Variants in PCDH11X observed in about 807,000 individuals in gnomAD.
PCDH11X encodes protocadherin 11 X-linked.
A neutral mutation model predicts 53.3 loss-of-function variants in PCDH11X; 18 were observed. The ratio of observed to expected loss-of-function variants is 0.34; its 90% confidence interval spans 0.23 to 0.50. PCDH11X has a LOEUF of 0.50. Among genes scored for constraint, PCDH11X ranks in the 20% least tolerant of loss-of-function variants. The probability of loss-of-function intolerance (pLI) is 0.98; values close to 1 mark genes in which losing one functional copy is unlikely to be tolerated. For missense variants in PCDH11X, 570 were observed against 1,032.4 expected (o/e 0.55, Z 6.14); for synonymous variants, 279 against 393.3 (o/e 0.71, Z 3.44).
At chrX:92,545,111 C>T (rs2074824369) in intron 10 of PCDH11X, among the ~76,000 whole-genome samples, 1 of 111,137 alleles carries the variant, frequency 9.0e-6, no homozygotes, top group Non-Finnish European at 1.9e-5. Flanking sequence ...AATAAAAAGG[C>T]CATTATAGCT....
At position 92,452,451 on chromosome X, in the gene PCDH11X, A is replaced by ATG. The variant is rs1289824916; in HGVS notation, c.3344-15836_3344-15835dup. On this transcript the variant is annotated intron_variant, in intron 9 of 10. Transcript: ENST00000682573. Reference sequence around the variant, plus strand: ...ATATATAGTAGTTTGTATAATATAGATGTGTGTGTGTGTATATATATATAT... The same window carrying ATG: ...ATATATAGTAGTTTGTATAATATAGATGTGTGTGTGTGTGTATATATATATAT... 5.0e-3 allele frequency among the ~76,000 whole-genome samples: 319 copies of ATG among 63,655 alleles called. 4 individuals are homozygous for ATG. Among genetic ancestry groups the ATG allele is most frequent in the East Asian group, 0.026 (47 of 1,780 alleles). The allele number at this position is 63,655 out of a possible 115,157, so 55.3% of individuals were successfully genotyped here. A position where few individuals can be genotyped will look rare whatever the true frequency, so the allele number is the denominator to read the frequency against.
chrX:92,180,932 A>G (rs1320192693), intron 6 of PCDH11X, among the ~76,000 whole-genome samples: 1 of 109,533 alleles, frequency 9.1e-6, no homozygotes, highest in African/African-American at 3.3e-5. Flanking sequence ...GGGCTAATAC[A>G]GTAAATTGGT....
chrX:92,255,193 A>C (rs1212241557), intron 7 of PCDH11X, among the ~76,000 whole-genome samples: 1 of 107,789 alleles, frequency 9.3e-6, no homozygotes, highest in Non-Finnish European at 1.9e-5. Flanking sequence ...CATTCATTTC[A>C]TCTTCCATCG....
intron 6 of PCDH11X, chrX:91,882,897 C>T (rs1457419796): frequency 8.4e-7 from 1 of 1,185,046 alleles, no homozygotes; most frequent in Admixed American, 2.2e-5. Context: ...TGTTATTTTT[C>T]TTGTCCTAGA....
At chrX:92,113,200 C>G (rs183470794) in intron 6 of PCDH11X, 9 of 1,151,100 alleles carry the variant, frequency 7.8e-6, no homozygotes, top group East Asian at 3.0e-5. Context: ...CTCAGCCCCC[C>G]GAGATTGAGC....
chrX:92,038,723 C>T (rs5984854), intron 6 of PCDH11X, among the ~76,000 whole-genome samples: 21,711 of 106,591 alleles, frequency 0.2, 2,186 homozygotes, highest in African/African-American at 0.35. Context: ...TGCCATGTGT[C>T]GTGGGAGGAA....
At chrX:92,039,156 G>A (rs1398343109) in intron 6 of PCDH11X, among the ~76,000 whole-genome samples, 1 of 111,191 alleles carries the variant, frequency 9.0e-6, no homozygotes, top group African/African-American at 3.3e-5. Flanking sequence ...CTGTGCTTGG[G>A]CAGACCTGAA....
intron 6 of PCDH11X, among the ~76,000 whole-genome samples, chrX:92,120,484 G>A (rs779257264): frequency 1.8e-5 from 2 of 112,962 alleles, no homozygotes; most frequent in African/African-American, 6.4e-5. Flanking sequence ...TCTAAGATGC[G>A]AAGGTAAACA....
chrX:92,544,431 T>C (rs1473329560), intron 10 of PCDH11X, among the ~76,000 whole-genome samples: 1 of 111,910 alleles, frequency 8.9e-6, no homozygotes, highest in Non-Finnish European at 1.9e-5. Context: ...TTGCCCTTGA[T>C]TTTCTTATTC....
chrX:91,811,335 T>C (rs368797617), intron 4 of PCDH11X, 40 bp downstream of exon 4: 71 of 1,059,799 alleles, frequency 6.7e-5, no homozygotes, highest in Non-Finnish European at 7.5e-5. Flanking sequence ...ACGTCTCCTT[T>C]CCTCTGGGTC....
chrX:92,147,827 C>CTTTCTTTCTTTCTTTCTTTCTT (rs1556065936), intron 6 of PCDH11X, among the ~76,000 whole-genome samples: 4 of 91,345 alleles, frequency 4.4e-5, no homozygotes, highest in Non-Finnish European at 8.2e-5. Flanking sequence ...TTCTTTCTTT[C>CTTTCTTTCTTTCTTTCTTTCTT]TTTCTTTCTT....
chrX:92,545,387 C>CTTTTTTTTTTTTTTTTTT, intron 10 of PCDH11X, among the ~76,000 whole-genome samples: 1 of 66,053 alleles, frequency 1.5e-5, no homozygotes, highest in Non-Finnish European at 2.6e-5. Flanking sequence ...GGTTAAATTC[C>CTTTTTTTTTTTTTTTTTT]TTTTTTTTTT....
At chrX:92,450,734 A>G (rs1348725805) in intron 9 of PCDH11X, among the ~76,000 whole-genome samples, 3 of 101,533 alleles carry the variant, frequency 3.0e-5, no homozygotes, top group African/African-American at 1.1e-4. Context: ...CTTTGAAGCA[A>G]TTATTTTTAT....
chrX:92,223,302 A>G (rs2066914552), intron 7 of PCDH11X, among the ~76,000 whole-genome samples: 1 of 111,557 alleles, frequency 9.0e-6, no homozygotes, highest in African/African-American at 3.3e-5. Flanking sequence ...CTTCTTATTC[A>G]TCTTTCAAAG....
intron 10 of PCDH11X, among the ~76,000 whole-genome samples, chrX:92,470,606 A>G (rs2073242229): frequency 9.0e-6 from 1 of 111,416 alleles, no homozygotes; most frequent in Non-Finnish European, 1.9e-5. Context: ...GCCCTTTATT[A>G]TATTGAGGTA....
chrX:92,154,151 C>G, intron 6 of PCDH11X, among the ~76,000 whole-genome samples: 1 of 110,397 alleles, frequency 9.1e-6, no homozygotes, highest in Non-Finnish European at 1.9e-5. Context: ...ATCAGTCTAC[C>G]TATCTATTGA....
chrX:92,346,572 C>T (rs1307215957), intron 8 of PCDH11X, among the ~76,000 whole-genome samples: 1 of 111,568 alleles, frequency 9.0e-6, no homozygotes, highest in African/African-American at 3.2e-5. Flanking sequence ...ACAAGCGACA[C>T]GTGGAATTAT....
chrX:91,892,041 G>GTGTT (rs1190570435), intron 6 of PCDH11X, among the ~76,000 whole-genome samples: 17 of 99,248 alleles, frequency 1.7e-4, no homozygotes, highest in Non-Finnish European at 2.4e-4. Context: ...GTGTGTGTGT[G>GTGTT]TGTGTTAGAG....
At chrX:92,113,160 G>T in intron 6 of PCDH11X, 4 of 961,204 alleles carry the variant, frequency 4.2e-6, no homozygotes, top group Non-Finnish European at 5.5e-6. Context: ...TCTATCCCTT[G>T]GCTCCCTTCC....
Sources: allele counts gnomAD v4.1 joint callset (sites outside exome capture counted in the v4.1 genomes callset), GRCh38; gene constraint gnomAD v4.1.1; transcripts MANE v1.5; gene names NCBI Gene and HGNC (gene_info 2026-07-23, HGNC 2026-07-21).